The following CTNNA3 variants were observed in gnomAD, a reference collection of about 807,000 sequenced individuals.
CTNNA3 encodes catenin alpha-3.
In CTNNA3, 76 loss-of-function variants were observed where a neutral mutation model predicts 95.7. The observed-to-expected ratio is 0.79, with a 90% CI of 0.66 to 0.96. The LOEUF is 0.96. CTNNA3 is among the 40% of genes least tolerant of loss of function. The pLI is 0.00. For synonymous variants in CTNNA3, 431 were observed against 374.4 expected (o/e 1.15, Z -1.74); for missense variants, 1,191 against 1,089.8 (o/e 1.09, Z -1.31).
chr10:67,627,748 A>C (rs1275734782), intron 2 of CTNNA3, among the ~76,000 whole-genome samples: 1 of 152,022 alleles, frequency 6.6e-6, no homozygotes, highest in African/African-American at 2.4e-5. Context: ...AAATTATAAA[A>C]TTGTTTTCAT....
In CTNNA3 at chr10:66,318,276, A is replaced by ATATATGTGTGTGTGTG. The variant is rs33943741; in HGVS notation, c.1733-37656_1733-37655insCACACACACACATATA. Among the ~76,000 whole-genome samples, 246 of 136,648 alleles carry ATATATGTGTGTGTGTG rather than the reference A, an allele frequency of 1.8e-3. 2 individuals carry two copies. Among genetic ancestry groups the ATATATGTGTGTGTGTG allele is most frequent in the African/African-American group, 4.6e-3 (170 of 37,024 alleles). 89.6% of individuals were successfully genotyped at this position (136,648 alleles called of 152,430 possible). A position where few individuals can be genotyped will look rare whatever the true frequency, so the allele number is the denominator to read the frequency against. Reference sequence around the variant, plus strand: ...GTTGCTGGGAGATATATATATATATATGTGTGTGTGTGTGTGTGTGTGTGT... The same window carrying ATATATGTGTGTGTGTG: ...GTTGCTGGGAGATATATATATATATATATATGTGTGTGTGTGTGTGTGTGTGTGTGTGTGTGTGTGT... On this transcript the variant is annotated intron_variant, in intron 12 of 17. Coordinates refer to ENST00000433211, the MANE Select transcript of CTNNA3 (RefSeq NM_013266.4).
chr10:67,204,775 G>A (rs1863817110), intron 6 of CTNNA3, among the ~76,000 whole-genome samples: 1 of 152,126 alleles, frequency 6.6e-6, no homozygotes. Flanking sequence ...GTGAGAGATG[G>A]AGTTATTACC....
chr10:66,131,156 C>T (rs2083081074), intron 13 of CTNNA3, among the ~76,000 whole-genome samples: 1 of 152,006 alleles, frequency 6.6e-6, no homozygotes. Context: ...AGAGCTGGTG[C>T]CTTTCCTACT....
intron 5 of CTNNA3, among the ~76,000 whole-genome samples, chr10:67,513,110 C>T (rs1021940935): frequency 6.6e-6 from 1 of 152,284 alleles, no homozygotes; most frequent in Non-Finnish European, 1.5e-5. Context: ...TTAAAAGCAT[C>T]TTTGTTGTTC....
At position 67,165,627 on chromosome 10, in the gene CTNNA3, G is replaced by A. The variant is rs79279047; in HGVS notation, c.1047+14690C>T. Among the ~76,000 whole-genome samples, 1,719 of 152,196 alleles carry A rather than the reference G, an allele frequency of 0.011. 95 individuals are homozygous for A. The East Asian group carries it at 0.17, about 15-fold the overall frequency. Reference sequence around the variant, plus strand: ...CTGTGCTGTCTTTGCTACTTCCTTTGAATCTATAATTATTTCAAAATTAAA... The same window carrying A: ...CTGTGCTGTCTTTGCTACTTCCTTTAAATCTATAATTATTTCAAAATTAAA... On this transcript the variant is annotated intron_variant, in intron 7 of 17. Transcript: ENST00000433211.
chr10:66,652,483 A>T (rs1324816131), intron 9 of CTNNA3, among the ~76,000 whole-genome samples: 1 of 152,150 alleles, frequency 6.6e-6, no homozygotes, highest in Non-Finnish European at 1.5e-5. Flanking sequence ...GAGTAAGAAG[A>T]TTAAATCAGT....
chr10:66,993,218 G>A (rs750722422), intron 7 of CTNNA3, among the ~76,000 whole-genome samples: 2 of 152,076 alleles, frequency 1.3e-5, no homozygotes, highest in Non-Finnish European at 2.9e-5. Flanking sequence ...TCTCTATGTG[G>A]CTATTTGAGC....
At chr10:66,545,950 A>C (rs1211803765) in intron 10 of CTNNA3, among the ~76,000 whole-genome samples, 3 of 149,848 alleles carry the variant, frequency 2.0e-5, no homozygotes, top group Non-Finnish European at 4.4e-5. Flanking sequence ...TGTACATTAT[A>C]TATTATATAT....
intron 13 of CTNNA3, among the ~76,000 whole-genome samples, chr10:66,232,463 A>G (rs1164443192): frequency 6.6e-6 from 1 of 152,062 alleles, no homozygotes; most frequent in Non-Finnish European, 1.5e-5. Flanking sequence ...AACTAATACA[A>G]TTTTGATTCA....
At chr10:66,272,804 G>A (rs1417561822) in intron 13 of CTNNA3, among the ~76,000 whole-genome samples, 1 of 151,976 alleles carries the variant, frequency 6.6e-6, no homozygotes, top group Non-Finnish European at 1.5e-5. Flanking sequence ...ATACTACACT[G>A]CCCCCAACCC....
chr10:66,267,586 C>T (rs529780634), intron 13 of CTNNA3, among the ~76,000 whole-genome samples: 22 of 152,204 alleles, frequency 1.4e-4, no homozygotes, highest in African/African-American at 4.1e-4. Flanking sequence ...ACCATGTTTG[C>T]GTTCTTAAAA....
intron 6 of CTNNA3, among the ~76,000 whole-genome samples, chr10:67,193,593 T>G: frequency 6.6e-6 from 1 of 152,078 alleles, no homozygotes; most frequent in Admixed American, 6.6e-5. Flanking sequence ...AATGCAGTAT[T>G]TGGTTTTCTG....
At chr10:67,216,686 G>C (rs1016395228) in intron 6 of CTNNA3, among the ~76,000 whole-genome samples, 5 of 152,106 alleles carry the variant, frequency 3.3e-5, no homozygotes, top group African/African-American at 1.2e-4. Flanking sequence ...CTAAAAATAA[G>C]AAAATATACA....
chr10:66,373,323 G>A (rs145079949), intron 12 of CTNNA3, among the ~76,000 whole-genome samples: 358 of 152,026 alleles, frequency 2.4e-3, no homozygotes, highest in African/African-American at 8.2e-3. Flanking sequence ...AACTAGATCT[G>A]GGTCCTATAT....
At chr10:66,230,425 G>A (rs1328327289) in intron 13 of CTNNA3, among the ~76,000 whole-genome samples, 2 of 152,080 alleles carry the variant, frequency 1.3e-5, no homozygotes, top group Non-Finnish European at 2.9e-5. Flanking sequence ...GGTGGGCACT[G>A]TTGTATATTA....
At chr10:66,647,826 A>G (rs960158742) in intron 9 of CTNNA3, among the ~76,000 whole-genome samples, 1 of 151,874 alleles carries the variant, frequency 6.6e-6, no homozygotes, top group East Asian at 1.9e-4. Flanking sequence ...GCCAAAAAGA[A>G]CTCTTTATAT....
chr10:66,128,195 T>G lies in CTNNA3; in HGVS notation c.1885-24946A>C, dbSNP rs147587410. ...TAATCTTCATATACACAAACAATAA[T>G]CACTTAGTCAATATAGAGAAAAGAA... On this transcript the variant is annotated intron_variant, in intron 13 of 17. Transcript: ENST00000433211. 4.7e-3 allele frequency among the ~76,000 whole-genome samples: 713 copies of G among 152,178 alleles called. 5 individuals are homozygous for G. The highest frequency in any genetic ancestry group is 0.016 in the African/African-American group (667 of 41,506).
At chr10:66,230,138 T>G (rs1299246520) in intron 13 of CTNNA3, among the ~76,000 whole-genome samples, 1 of 152,174 alleles carries the variant, frequency 6.6e-6, no homozygotes, top group Admixed American at 6.5e-5. Context: ...AGCTATTATT[T>G]TTTCTTGGAT....
chr10:67,224,083 C>T (rs1332035256), intron 5 of CTNNA3, among the ~76,000 whole-genome samples: 2 of 152,080 alleles, frequency 1.3e-5, no homozygotes, highest in African/African-American at 2.4e-5. Flanking sequence ...TTACCCTTTG[C>T]GTTTGTGTGT....
Sources: gnomAD v4.1 joint callset for allele counts (sites outside exome capture counted in the v4.1 genomes callset) on GRCh38, gnomAD v4.1.1 for gene constraint, MANE v1.5 for transcripts, NCBI Gene and HGNC (gene_info 2026-07-23, HGNC 2026-07-21) for gene names.